IL1R1: variants seen among roughly 807,000 people sequenced by gnomAD.
The protein encoded by IL1R1 is interleukin 1 receptor type 1, also known as interleukin-1 receptor type 1.
IL1R1 carries 22 observed loss-of-function variants against 50.2 expected under a neutral mutation model. The ratio of observed to expected loss-of-function variants is 0.44; its 90% CI spans 0.31 to 0.63. The LOEUF (loss-of-function observed/expected upper bound fraction) is 0.63, where lower values mean the gene tolerates loss of function less well. IL1R1 is among the 20% of genes least tolerant of loss of function. IL1R1 has a pLI of 0.07. For synonymous variants in IL1R1, 251 were observed against 236.7 expected (o/e 1.06, Z -0.55); for missense variants, 509 against 676.2 (o/e 0.75, Z 2.74).
chr2:102,073,249 C>T (rs545335243), intron 1 of IL1R1, among the ~76,000 whole-genome samples: 48 of 152,266 alleles, frequency 3.2e-4, no homozygotes, highest in African/African-American at 1.2e-3. Context: ...GGATACAATA[C>T]GGTGAACATC....
At chr2:102,125,719 A>T (rs1278956727) in intron 1 of IL1R1, among the ~76,000 whole-genome samples, 1 of 152,234 alleles carries the variant, frequency 6.6e-6, no homozygotes, top group Non-Finnish European at 1.5e-5. Context: ...GCTCACATTA[A>T]TAAAAACAAG....
chr2:102,162,568 G>A (rs1412330620), intron 3 of IL1R1, among the ~76,000 whole-genome samples: 2 of 151,432 alleles, frequency 1.3e-5, no homozygotes, highest in African/African-American at 4.9e-5. Context: ...ACTGTTTGTT[G>A]TGTATGTGTT....
chr2:102,105,198 G>C (rs547251429), intron 1 of IL1R1, among the ~76,000 whole-genome samples: 1 of 152,114 alleles, frequency 6.6e-6, no homozygotes, highest in Non-Finnish European at 1.5e-5. Flanking sequence ...ATGACTTTTG[G>C]TATGTGGTGA....
At chr2:102,144,242 G>T (rs1682921757) in intron 1 of IL1R1, among the ~76,000 whole-genome samples, 1 of 152,182 alleles carries the variant, frequency 6.6e-6, no homozygotes, top group South Asian at 2.1e-4. Context: ...TGAGAATGGG[G>T]TTTGCTGGGG....
intron 5 of IL1R1, 84 bp from the exon 6 acceptor site, chr2:102,166,029 T>TG (rs1410692493): frequency 8.5e-7 from 1 of 1,170,342 alleles, no homozygotes; most frequent in African/African-American, 1.5e-5. Flanking sequence ...TTTGCTAAGG[T>TG]GAAAAAAATG....
upstream of IL1R1, among the ~76,000 whole-genome samples, chr2:102,138,189 C>T (rs1031202198): frequency 2.0e-5 from 3 of 152,074 alleles, no homozygotes; most frequent in African/African-American, 7.2e-5. Context: ...AATCAGAAGC[C>T]AGTGGCATGA....
rs1683214398 is a variant in IL1R1 at position 102,147,219 on chromosome 2, C to A, written c.-84+4199C>A. Among the ~76,000 whole-genome samples, 3 of 152,082 alleles carry A rather than the reference C, an allele frequency of 2.0e-5. No individual in the cohort carries two copies. The South Asian group carries it at 6.2e-4, about 31-fold the overall frequency. Reference sequence around the variant, plus strand: ...TTGTTGCAATTTATGGAACTGTCCACGTAAGTTTTGTGTGTTTCACCATGA... The same window carrying A: ...TTGTTGCAATTTATGGAACTGTCCAAGTAAGTTTTGTGTGTTTCACCATGA... On this transcript the variant is annotated intron_variant, in intron 1 of 11. Coordinates refer to ENST00000410023, the MANE Select transcript of IL1R1 (RefSeq NM_000877.4).
At chr2:102,102,132 A>G (rs1264110299), upstream of IL1R1, among the ~76,000 whole-genome samples, 1 of 152,164 alleles carries the variant, frequency 6.6e-6, no homozygotes, top group African/African-American at 2.4e-5. Context: ...TTGAACTAAT[A>G]ATCTGCCAAT....
In IL1R1 at chr2:102,078,982, T is replaced by C. The variant is rs139596661; in HGVS notation, c.-84+8449T>C. On this transcript the variant is annotated intron_variant, in intron 1 of 11. Coordinates refer to the IL1R1 transcript ENST00000409929. ...TGCAACATATTAATAGAATAAAGGA[T>C]GGAATTGCATAATCATCTCAATAGA... Among the ~76,000 whole-genome samples, 1,824 of 152,212 alleles carry C rather than the reference T, an allele frequency of 0.012. 55 individuals are homozygous for C. The South Asian group carries it at 0.13, about 11-fold the overall frequency.
chr2:102,166,079 T>C (rs201292531), intron 5 of IL1R1, 34 bp from the exon 6 acceptor site: 208 of 1,583,882 alleles, frequency 1.3e-4, no homozygotes, highest in Admixed American at 3.1e-4. Context: ...TTATTGGTTA[T>C]TGGTTTTCAA....
At chr2:102,159,110 T>A (rs1195511870) in intron 3 of IL1R1, among the ~76,000 whole-genome samples, 1 of 152,340 alleles carries the variant, frequency 6.6e-6, no homozygotes, top group East Asian at 1.9e-4. Context: ...GTTTTCAGAC[T>A]GGATGTGTTA....
At chr2:102,133,240 T>A (rs1227125049) in intron 1 of IL1R1, among the ~76,000 whole-genome samples, 2 of 48,262 alleles carry the variant, frequency 4.1e-5, no homozygotes, top group Admixed American at 2.3e-4. Flanking sequence ...CAAGACTCTG[T>A]CTCAAAAAAA....
chr2:102,100,175 A>G (rs1270922527), upstream of IL1R1, among the ~76,000 whole-genome samples: 1 of 152,206 alleles, frequency 6.6e-6, no homozygotes, highest in Non-Finnish European at 1.5e-5. Flanking sequence ...TTTTGGCTTC[A>G]GTGTCCAGTT....
intron 1 of IL1R1, among the ~76,000 whole-genome samples, chr2:102,143,923 C>T (rs1682894641): frequency 6.6e-6 from 1 of 152,192 alleles, no homozygotes; most frequent in African/African-American, 2.4e-5. Flanking sequence ...CTCTTGAGGT[C>T]ATGGAGCAAG....
At chr2:102,082,303 A>ATT (rs1057250153) in intron 1 of IL1R1, among the ~76,000 whole-genome samples, 1 of 152,074 alleles carries the variant, frequency 6.6e-6, no homozygotes, top group African/African-American at 2.4e-5. Context: ...CTGGAGATAT[A>ATT]TTTGCCATGT....
At chr2:102,165,780 T>G (rs902019255) in intron 5 of IL1R1, among the ~76,000 whole-genome samples, 1 of 152,190 alleles carries the variant, frequency 6.6e-6, no homozygotes, top group African/African-American at 2.4e-5. Flanking sequence ...TTGTAGAGCT[T>G]AAGACGTACT....
chr2:102,077,370 CG>C (rs1327093219), intron 1 of IL1R1, among the ~76,000 whole-genome samples: 1 of 152,142 alleles, frequency 6.6e-6, no homozygotes, highest in Non-Finnish European at 1.5e-5. Flanking sequence ...GGCACCCGGC[CG>C]AAGTTTACTA....
chr2:102,108,125 G>T (rs1050720796), intron 1 of IL1R1, among the ~76,000 whole-genome samples: 2 of 152,114 alleles, frequency 1.3e-5, no homozygotes, highest in African/African-American at 4.8e-5. Context: ...AAAGTTTAGT[G>T]ATAAATCTAA....
rs1686290622 is a variant in IL1R1, at chr2:102,178,067, C to T, written c.*1308C>T. 6.5e-6 allele frequency: 1 copy of T among 153,448 alleles called. No homozygotes were observed. The highest frequency in any genetic ancestry group is 2.4e-5 in the African/African-American group (1 of 41,478). The allele number at this position is 153,448 out of a possible 1,614,324, so 9.5% of individuals were successfully genotyped here. On this transcript the variant is annotated 3_prime_UTR_variant, in exon 12 of 12. Coordinates refer to ENST00000410023, the MANE Select transcript of IL1R1 (RefSeq NM_000877.4). ...GGCCATGTCGCCTGCCCCCAGCACT[C>T]CTCTGTCTCTGCTCTTGCCTGCACC... is the stretch of plus-strand genomic sequence containing the variant.
Sources: allele counts gnomAD v4.1 joint callset (sites outside exome capture counted in the v4.1 genomes callset), GRCh38; gene constraint gnomAD v4.1.1; transcripts MANE v1.5; gene names NCBI Gene and HGNC (gene_info 2026-07-23, HGNC 2026-07-21).